The following AFAP1L2 variants were observed in gnomAD, a reference collection of about 807,000 sequenced individuals.
AFAP1L2 encodes the protein actin filament associated protein 1 like 2.
Under a neutral mutation model 99.3 loss-of-function variants are expected in AFAP1L2, and 46 were observed. That is an observed-to-expected ratio of 0.46 (90% CI 0.37 to 0.59). AFAP1L2 has a LOEUF of 0.59. Among genes scored for constraint, AFAP1L2 ranks in the 20% least tolerant of loss-of-function variants. The pLI is 0.00. For synonymous variants in AFAP1L2, 397 were observed against 419.1 expected (o/e 0.95, Z 0.64); for missense variants, 959 against 1,034.9 (o/e 0.93, Z 1.01).
In AFAP1L2 at chr10:114,310,461, C is replaced by T. The variant is rs759642896; in HGVS notation, c.793-18G>A. 21 of 1,609,708 alleles carry T rather than the reference C, an allele frequency of 1.3e-5. No individual in the cohort carries two copies. The highest frequency in any genetic ancestry group is 1.8e-5 in the Non-Finnish European group (21 of 1,178,068). ...TGGATGACCTGAGGCAAGAGGGAAG[C>T]CGTCAGCAGAGGCTGAGGTCCTCTG... On this transcript the variant is annotated intron_variant, in intron 7 of 18. Coordinates refer to ENST00000304129, the MANE Select transcript of AFAP1L2 (RefSeq NM_001001936.3).
At chr10:114,289,236 C>T in the AFAP1L2 span, 157 of 1,613,950 alleles carry the variant, frequency 9.7e-5, no homozygotes, top group East Asian at 3.3e-3. Flanking sequence ...AAGTGATGAC[C>T]GTCCAGAGGG....
At chr10:114,393,557 A>G (rs187939492) in intron 1 of AFAP1L2, 1 of 152,206 alleles carries the variant, frequency 6.6e-6, no homozygotes, top group Non-Finnish European at 1.5e-5. Flanking sequence ...AGCCTCTTTC[A>G]TCGTGAGTAG....
downstream of AFAP1L2, among the ~76,000 whole-genome samples, chr10:114,290,580 C>G (rs919246406): frequency 6.6e-6 from 1 of 152,238 alleles, no homozygotes; most frequent in Non-Finnish European, 1.5e-5. Context: ...AATAAAACCT[C>G]TGCCCTCATG....
intron 5 of AFAP1L2, 31 bp downstream of exon 5, chr10:114,323,140 A>G: frequency 6.4e-7 from 1 of 1,552,548 alleles, no homozygotes; most frequent in Non-Finnish European, 8.7e-7. Flanking sequence ...GCAGTAAGTC[A>G]CCCTCCCAAG....
chr10:114,399,335 G>C (rs956960483), intron 1 of AFAP1L2, among the ~76,000 whole-genome samples: 1 of 152,190 alleles, frequency 6.6e-6, no homozygotes, highest in African/African-American at 2.4e-5. Context: ...GTGGGAGTCA[G>C]GGGAGGCTTC....
chr10:114,320,044 C>T (rs1465170142), intron 5 of AFAP1L2, among the ~76,000 whole-genome samples: 1 of 152,168 alleles, frequency 6.6e-6, no homozygotes, highest in East Asian at 1.9e-4. Context: ...ACCTAATCTA[C>T]ATGAGGATGA....
intron 5 of AFAP1L2, among the ~76,000 whole-genome samples, chr10:114,318,578 A>T (rs1240239200): frequency 6.6e-6 from 1 of 151,926 alleles, no homozygotes; most frequent in Non-Finnish European, 1.5e-5. Flanking sequence ...GTCTTTTCTA[A>T]AAATACAAAA....
chr10:114,282,672 G>A, the AFAP1L2 span: 1 of 1,054,890 alleles, frequency 9.5e-7, no homozygotes, highest in Non-Finnish European at 1.5e-6. Context: ...GTGGGGTTGT[G>A]ACTGGCTCCA....
Position 114,300,562 on chromosome 10 carries a change from G to A in AFAP1L2, c.1671C>T (p.Ala557=), listed in dbSNP as rs1298262890. ...LHGPSSAQAQ[A]SSPTLSCLDN... ...CCAGGCAGGACAACGTCGGGGAGGAGGCCTGGGCCTGTGCACTGCTGGGGC... is the reference window on the plus strand; with the variant it reads ...CCAGGCAGGACAACGTCGGGGAGGAAGCCTGGGCCTGTGCACTGCTGGGGC... The change falls in exon 14 of 19, where the codon GCC becomes GCT. Residue 557 remains alanine, a synonymous_variant. Transcript: ENST00000304129. 6.2e-7 allele frequency: 1 copy of A among 1,614,188 alleles called. No homozygotes were observed. The highest frequency in any genetic ancestry group is 2.2e-5 in the East Asian group (1 of 44,868).
chr10:114,404,614 C>T (rs2058556655), upstream of AFAP1L2: 7 of 1,093,080 alleles, frequency 6.4e-6, no homozygotes, highest in South Asian at 1.4e-4. Context: ...CGGACCTGGC[C>T]CCCGCCAGGG....
intron 1 of AFAP1L2, among the ~76,000 whole-genome samples, chr10:114,379,497 T>C (rs184407236): frequency 5.3e-5 from 8 of 152,242 alleles, no homozygotes; most frequent in Non-Finnish European, 1.0e-4. Flanking sequence ...CACCACCAGA[T>C]GGAATAGTTA....
At chr10:114,355,609 C>T (rs947009601) in intron 1 of AFAP1L2, among the ~76,000 whole-genome samples, 2 of 151,948 alleles carry the variant, frequency 1.3e-5, no homozygotes, top group East Asian at 1.9e-4. Flanking sequence ...AAAATAAAGT[C>T]TTTGCAATAC....
At chr10:114,398,370 T>G (rs1755592005) in intron 1 of AFAP1L2, among the ~76,000 whole-genome samples, 1 of 152,246 alleles carries the variant, frequency 6.6e-6, no homozygotes, top group African/African-American at 2.4e-5. Context: ...GAAGCTAGGA[T>G]GCCTAGAGGC....
chr10:114,349,297 G>A (rs1011927837), intron 1 of AFAP1L2, among the ~76,000 whole-genome samples: 1 of 145,004 alleles, frequency 6.9e-6, no homozygotes, highest in Admixed American at 7.3e-5. Flanking sequence ...AGAATCACTT[G>A]AACCCAGGAG....
At chr10:114,310,805 C>T (rs1216243959) in intron 7 of AFAP1L2, among the ~76,000 whole-genome samples, 1 of 152,254 alleles carries the variant, frequency 6.6e-6, no homozygotes, top group African/African-American at 2.4e-5. Context: ...TGTTCTGTTG[C>T]AGGCGTGATC....
In AFAP1L2 at chr10:114,333,227, C is replaced by T; in HGVS notation, c.214G>A (p.Gly72Ser). 6.2e-7 allele frequency: 1 copy of T among 1,613,366 alleles called. No individual in the cohort carries two copies. The highest frequency in any genetic ancestry group is 8.5e-7 in the Non-Finnish European group (1 of 1,179,712). Residue 72 changes from glycine (G) to serine (S), a missense_variant, in exon 3 of 19, where the codon GGC becomes AGC. Transcript: ENST00000304129. ...AGTGATCCCAGCCTCATACCTTTGC[C>T]TTGAGACTCTGCATTCTGTTGCTTG... The part of the protein sequence containing the change: ...INKQQNAESQ[G>S]KAPEEQGLLP...
intron 1 of AFAP1L2, among the ~76,000 whole-genome samples, chr10:114,342,876 G>A (rs1411189648): frequency 6.6e-6 from 1 of 152,244 alleles, no homozygotes; most frequent in Admixed American, 6.5e-5. Flanking sequence ...GTAGCTGTCT[G>A]TGTCGCCATT....
At chr10:114,357,828 C>A (rs2051621502) in intron 1 of AFAP1L2, among the ~76,000 whole-genome samples, 1 of 152,188 alleles carries the variant, frequency 6.6e-6, no homozygotes, top group Non-Finnish European at 1.5e-5. Context: ...TCAATCAGCT[C>A]CTGTCCTTCC....
the AFAP1L2 span, chr10:114,284,810 C>G: frequency 1.3e-6 from 2 of 1,528,780 alleles, no homozygotes; most frequent in South Asian, 1.2e-5. Context: ...GGCCAGTCCT[C>G]TCCACTCCTC....
Sources: allele counts gnomAD v4.1 joint callset (sites outside exome capture counted in the v4.1 genomes callset), GRCh38; gene constraint gnomAD v4.1.1; transcripts MANE v1.5; gene names NCBI Gene and HGNC (gene_info 2026-07-23, HGNC 2026-07-21).